MYO1C: variants seen among roughly 807,000 people sequenced by gnomAD.
MYO1C encodes the protein myosin IC.
A neutral mutation model predicts 150.8 loss-of-function variants in MYO1C; 104 were observed. The ratio of observed to expected loss-of-function variants is 0.69; its 90% CI spans 0.59 to 0.81. MYO1C has a LOEUF of 0.81. MYO1C is among the 30% of genes least tolerant of loss of function. The pLI is 0.00. For missense variants in MYO1C, 1,504 were observed against 1,435.0 expected, an observed-to-expected ratio of 1.05 and a Z score of -0.78; for synonymous variants, 663 against 579.9, an observed-to-expected ratio of 1.14 and a Z score of -2.06.
chr17:1,490,721 G>A (rs1391990800), intron 1 of MYO1C, among the ~76,000 whole-genome samples: 1 of 152,020 alleles, frequency 6.6e-6, no homozygotes, highest in African/African-American at 2.4e-5. Flanking sequence ...CTGCTTACCA[G>A]GACCCTGCCT....
rs1313835278 is a variant in MYO1C at position 1,479,718 on chromosome 17, G to A, written c.907-13C>T. ...TGCTCAGCAGGTCCTGGGGGAGCAG[G>A]CCGGGGGCAGGAGGGGGTGAGAGGG... On this transcript the variant is annotated splice_polypyrimidine_tract_variant and intron_variant, in intron 7 of 31. Transcript: ENST00000648651. The surrounding 1 kb of genome is among the most constrained non-coding windows in gnomAD (Gnocchi z 4.2). 1.3e-6 allele frequency: 2 copies of A among 1,595,426 alleles called. No homozygotes were observed. The highest frequency in any genetic ancestry group is 2.3e-5 in the East Asian group (1 of 44,306).
chr17:1,483,833 C>T lies in MYO1C; in HGVS notation c.232-108G>A, dbSNP rs2074591119. 13 of 892,524 alleles carry T rather than the reference C, an allele frequency of 1.5e-5. 1 individual carries two copies. The highest frequency in any genetic ancestry group is 8.8e-5 in the South Asian group (6 of 68,468). The allele number at this position is 892,524 out of a possible 1,614,324, so 55.3% of individuals were successfully genotyped here. On this transcript the variant is annotated intron_variant, in intron 2 of 31. Transcript: ENST00000648651. ...CCAAGGTGGGCGGATCACCTGAGGTCGGGAGTTCAAGACCAACCTGACCAA... is the reference window on the plus strand; with the variant it reads ...CCAAGGTGGGCGGATCACCTGAGGTTGGGAGTTCAAGACCAACCTGACCAA...
rs190987486 is a variant in MYO1C at position 1,483,375 on chromosome 17, G to A, written c.347+235C>T. Among the ~76,000 whole-genome samples the A allele has an allele frequency of 4.0e-5, 6 of 150,838 alleles. No individual in the cohort carries two copies. The East Asian group carries it at 7.9e-4, about 20-fold the overall frequency. ...GTTCAGAGGTCACTAAGATTGGGGG[G>A]CCACTCCCAGTTGGGGAATAAGTCA... On this transcript the variant is annotated intron_variant, in intron 3 of 31. Transcript: ENST00000648651.
chr17:1,467,634 G>GGC, intron 29 of MYO1C, 57 bp from the exon 30 acceptor site: 4 of 936,518 alleles, frequency 4.3e-6, no homozygotes, highest in Non-Finnish European at 2.8e-6. Flanking sequence ...AGGAACCCCC[G>GGC]CCCCACCTCC....
chr17:1,481,842 A>AAT (rs1555522135), intron 5 of MYO1C, among the ~76,000 whole-genome samples: 2 of 150,646 alleles, frequency 1.3e-5, no homozygotes. Flanking sequence ...AAAAAAAAAA[A>AAT]AGTTCTTGCA....
chr17:1,483,568 G>A (rs779838824), intron 3 of MYO1C, 42 bp downstream of exon 3: 10 of 1,448,012 alleles, frequency 6.9e-6, no homozygotes, highest in Non-Finnish European at 4.8e-6. Flanking sequence ...CACCTCAGAT[G>A]GAGACAGAGG....
chr17:1,467,803 C>G, intron 29 of MYO1C, 37 bp downstream of exon 29: 1 of 1,063,638 alleles, frequency 9.4e-7, no homozygotes, highest in South Asian at 1.4e-5. Context: ...CTACCTCCCC[C>G]ATCCCCCACC....
At chr17:1,469,269 C>A (rs79904298) in intron 25 of MYO1C, 6 of 507,428 alleles carry the variant, frequency 1.2e-5, no homozygotes, top group Admixed American at 8.8e-5. Flanking sequence ...CAGTAGATTG[C>A]GGTAAATAGA....
intron 1 of MYO1C, among the ~76,000 whole-genome samples, chr17:1,489,438 G>T (rs2074705076): frequency 6.6e-6 from 1 of 152,228 alleles, no homozygotes; most frequent in South Asian, 2.1e-4. Context: ...ACTTTGAGAG[G>T]CCGAGGTGGG....
At position 1,479,497 on chromosome 17, in the gene MYO1C, G is replaced by C; in HGVS notation, c.1026C>G (p.Leu342=). The change falls in exon 9 of 32, where the codon CTC becomes CTG. Residue 342 remains leucine, a synonymous_variant. Coordinates refer to ENST00000648651, the MANE Select transcript of MYO1C (RefSeq NM_001080779.2). The surrounding 1 kb of genome is among the most constrained non-coding windows in gnomAD (Gnocchi z 4.2). Reference sequence around the variant, plus strand: ...CTCGCAGCGTCGAGCCTTCCACGCTGAGGAGCTGCCAAGGGCAGGCGAGGA... The same window carrying C: ...CTCGCAGCGTCGAGCCTTCCACGCTCAGGAGCTGCCAAGGGCAGGCGAGGA... ...ENQLKYLTRL[L]SVEGSTLREA... 6.6e-7 allele frequency: 1 copy of C among 1,521,368 alleles called. No homozygotes were observed. The highest frequency in any genetic ancestry group is 1.2e-5 in the South Asian group (1 of 84,130). 94.2% of individuals were successfully genotyped at this position (1,521,368 alleles called of 1,614,324 possible). A position where few individuals can be genotyped will look rare whatever the true frequency, so the allele number is the denominator to read the frequency against.
At chr17:1,477,180 C>CTTT (rs547771852) in intron 14 of MYO1C, 29 of 216,108 alleles carry the variant, frequency 1.3e-4, no homozygotes, top group South Asian at 3.3e-4. Flanking sequence ...ATTTTTTTCC[C>CTTT]TTTTTTTTTT....
intron 21 of MYO1C, 133 bp downstream of exon 21, chr17:1,470,938 A>G: frequency 9.3e-7 from 1 of 1,075,778 alleles, no homozygotes; most frequent in East Asian, 2.6e-5. Flanking sequence ...CTGGAGAAGG[A>G]CTCCCTGGAG....
At chr17:1,480,999 C>T in intron 5 of MYO1C, 114 bp from the exon 6 acceptor site, 1 of 1,170,352 alleles carries the variant, frequency 8.5e-7, no homozygotes, top group Non-Finnish European at 1.2e-6. Flanking sequence ...ATGCCAATTC[C>T]AGCCCTGCCA....
intron 31 of MYO1C, among the ~76,000 whole-genome samples, chr17:1,466,907 G>A (rs1352053827): frequency 8.5e-5 from 13 of 152,082 alleles, no homozygotes; most frequent in African/African-American, 2.9e-4. Flanking sequence ...GATTAAAGGT[G>A]TGAGCCACTG....
chr17:1,468,273 A>T lies in MYO1C; in HGVS notation c.2740T>A (p.Leu914Met), dbSNP rs772267547. ...CTTACCTGAATGGGCTCAGAGCCCA[A>T]GGCCTGCAGCACTCGGGGGCTGATC... ...DEISPRVLQA[L>M]GSEPIQYAVP... The change falls in exon 27 of 32, where the codon TTG (leucine) becomes ATG (methionine). Residue 914 changes from leucine to methionine, a missense_variant. Coordinates refer to ENST00000648651, the MANE Select transcript of MYO1C (RefSeq NM_001080779.2). 2 of 1,613,814 alleles carry T rather than the reference A, an allele frequency of 1.2e-6. No individual in the cohort carries two copies. The highest frequency in any genetic ancestry group is 1.7e-6 in the Non-Finnish European group (2 of 1,179,998).
In MYO1C at chr17:1,465,756, T is replaced by G; in HGVS notation, c.3166-4A>C. On this transcript the variant is annotated splice_region_variant and splice_polypyrimidine_tract_variant and intron_variant, in intron 31 of 31. Coordinates refer to ENST00000648651, the MANE Select transcript of MYO1C (RefSeq NM_001080779.2). ...GAGAATTCAGCCGTGGGGCGACCTG[T>G]GGGGGCGGAGAGAGACGGCCAAGTG... 7.6e-7 allele frequency: 1 copy of G among 1,320,138 alleles called. No individual in the cohort carries two copies. The allele number at this position is 1,320,138 out of a possible 1,614,324, so 81.8% of individuals were successfully genotyped here.
chr17:1,473,534 C>T (rs1336686599), intron 17 of MYO1C, among the ~76,000 whole-genome samples: 2 of 152,138 alleles, frequency 1.3e-5, no homozygotes, highest in Non-Finnish European at 2.9e-5. Context: ...GCCTGCATGC[C>T]CTCCCTGCCA....
chr17:1,488,683 C>A (rs2074695826), intron 1 of MYO1C, among the ~76,000 whole-genome samples: 1 of 152,202 alleles, frequency 6.6e-6, no homozygotes, highest in Non-Finnish European at 1.5e-5. Flanking sequence ...CTGTGACCTT[C>A]AGTGACACCG....
intron 1 of MYO1C, chr17:1,484,872 T>TTCCCCCCCCCCCCCCCCC: frequency 5.9e-6 from 2 of 341,198 alleles, no homozygotes; most frequent in South Asian, 2.2e-5. Context: ...GGGCCGTCTC[T>TTCCCCCCCCCCCCCCCCC]CCCACCCAGA....
Sources: gnomAD v4.1 joint callset for allele counts (sites outside exome capture counted in the v4.1 genomes callset) on GRCh38, gnomAD v4.1.1 for gene constraint, Gnocchi (gnomAD v3.1) non-coding constraint, MANE v1.5 for transcripts, NCBI Gene and HGNC (gene_info 2026-07-23, HGNC 2026-07-21) for gene names.